The following PACRG variants were observed in gnomAD, a reference collection of about 807,000 sequenced individuals.
PACRG encodes parkin coregulated, also known as parkin coregulated gene protein.
Under a neutral mutation model 29.7 loss-of-function variants are expected in PACRG, and 29 were observed. The ratio of observed to expected loss-of-function variants is 0.98; its 90% confidence interval spans 0.73 to 1.33. PACRG has a LOEUF of 1.33. Among genes scored for constraint, PACRG ranks in the 40% most tolerant of loss-of-function variants. The pLI is 0.00. For synonymous variants in PACRG, 116 were observed against 118.7 expected (o/e 0.98, Z 0.15); for missense variants, 279 against 316.2 (o/e 0.88, Z 0.89).
intron 1 of PACRG, among the ~76,000 whole-genome samples, chr6:162,773,049 G>A (rs1195258418): frequency 2.7e-5 from 4 of 150,658 alleles, no homozygotes; most frequent in Non-Finnish European, 6.0e-5. Flanking sequence ...GAGGTCAATG[G>A]TGATCTTGCA....
chr6:163,161,727 T>G (rs1778563755), intron 4 of PACRG, among the ~76,000 whole-genome samples: 1 of 152,158 alleles, frequency 6.6e-6, no homozygotes, highest in South Asian at 2.1e-4. Context: ...TTTTCTTAAT[T>G]TGGTGTTTTA....
intron 4 of PACRG, among the ~76,000 whole-genome samples, chr6:163,095,725 A>C (rs553931756): frequency 8.5e-4 from 129 of 152,062 alleles, no homozygotes; most frequent in African/African-American, 3.0e-3. Flanking sequence ...TCTTCCTATG[A>C]GAATACCAGC....
intron 2 of PACRG, among the ~76,000 whole-genome samples, chr6:162,857,153 G>A (rs1332287630): frequency 2.0e-5 from 3 of 152,188 alleles, no homozygotes; most frequent in Non-Finnish European, 4.4e-5. Context: ...TTGAGCTCCG[G>A]AATAGCAAAG....
In PACRG at chr6:162,749,224, G is replaced by A. The variant is rs1400327230; in HGVS notation, c.156+20833G>A. Among the ~76,000 whole-genome samples, 4 of 152,164 alleles carry A rather than the reference G, an allele frequency of 2.6e-5. No individual in the cohort carries two copies. In the East Asian group the frequency reaches 5.8e-4, roughly 22 times the overall value. ...ATTGTTAAAAACAAGTACATACTCT[G>A]AACATTGTTGTACAAGTATTTGCAT... is the stretch of plus-strand genomic sequence containing the variant. On this transcript the variant is annotated intron_variant, in intron 1 of 4. Transcript: ENST00000366888.
intron 2 of PACRG, among the ~76,000 whole-genome samples, chr6:162,938,184 A>G (rs1031477240): frequency 6.6e-6 from 1 of 152,198 alleles, no homozygotes; most frequent in Non-Finnish European, 1.5e-5. Context: ...TTCACATAGA[A>G]TAATAGTCTC....
intron 4 of PACRG, among the ~76,000 whole-genome samples, chr6:163,263,034 G>A (rs755699688): frequency 2.7e-5 from 4 of 150,472 alleles, no homozygotes; most frequent in African/African-American, 7.4e-5. Context: ...CTGGGCAACC[G>A]AACAAGACTC....
intron 4 of PACRG, among the ~76,000 whole-genome samples, chr6:163,299,215 C>T (rs988060815): frequency 6.6e-6 from 1 of 152,202 alleles, no homozygotes; most frequent in East Asian, 1.9e-4. Flanking sequence ...CTGAGTCCCA[C>T]CTTGGATTTA....
chr6:162,980,171 TACAC>T (rs10559588), intron 2 of PACRG, among the ~76,000 whole-genome samples: 53,279 of 150,114 alleles, frequency 0.35, 10,140 homozygotes, highest in East Asian at 0.68. Context: ...AACACACACA[TACAC>T]ACACACACAC....
At chr6:163,021,862 G>A (rs1224413836) in intron 2 of PACRG, among the ~76,000 whole-genome samples, 1 of 152,206 alleles carries the variant, frequency 6.6e-6, no homozygotes, top group African/African-American at 2.4e-5. Context: ...CCTGCTCCCT[G>A]TTATTCCGAG....
chr6:163,076,741 C>T (rs372385675), intron 3 of PACRG, among the ~76,000 whole-genome samples: 14 of 152,218 alleles, frequency 9.2e-5, no homozygotes, highest in South Asian at 8.3e-4. Flanking sequence ...TCTCACATCC[C>T]CAGATGCCTA....
In PACRG at chr6:162,858,530, C is replaced by T. The variant is rs533813988; in HGVS notation, c.291+44249C>T. Reference sequence around the variant, plus strand: ...TATTTTCCTTACCTATCACAAGGTTCGTGGCTGAGAACCTTAGAGCAAAGG... The same window carrying T: ...TATTTTCCTTACCTATCACAAGGTTTGTGGCTGAGAACCTTAGAGCAAAGG... On this transcript the variant is annotated intron_variant, in intron 2 of 4. Transcript: ENST00000366888. 1.1e-4 allele frequency among the ~76,000 whole-genome samples: 17 copies of T among 152,248 alleles called. No individual in the cohort carries two copies. In the South Asian group the frequency reaches 1.9e-3, roughly 17 times the overall value.
At chr6:163,023,593 G>C (rs573702726) in intron 2 of PACRG, among the ~76,000 whole-genome samples, 2 of 152,268 alleles carry the variant, frequency 1.3e-5, no homozygotes, top group South Asian at 4.2e-4. Context: ...TATATACACA[G>C]GAATGGGATT....
intron 4 of PACRG, chr6:163,191,077 ACCTGTT>A: frequency 2.4e-6 from 1 of 415,656 alleles, no homozygotes; most frequent in Admixed American, 2.6e-5. Context: ...CAAACAAAAA[ACCTGTT>A]ACTTAGATTC....
In PACRG at chr6:163,314,816, G is replaced by C. The variant is rs747958454; in HGVS notation, c.614-11G>C. 6.2e-7 allele frequency: 1 copy of C among 1,612,646 alleles called. No individual in the cohort carries two copies. Among genetic ancestry groups the C allele is most frequent in the African/African-American group, 1.3e-5 (1 of 74,836 alleles). On this transcript the variant is annotated splice_polypyrimidine_tract_variant and intron_variant, in intron 4 of 4. Coordinates refer to ENST00000366888, the MANE Select transcript of PACRG (RefSeq NM_001080379.2). ...AAGTAACTGGCCTCTTTGTGTGTTTGCATGCACCAGTGAACTCCGGAGACG... is the reference window on the plus strand; with the variant it reads ...AAGTAACTGGCCTCTTTGTGTGTTTCCATGCACCAGTGAACTCCGGAGACG...
At chr6:162,981,052 C>A (rs553892810) in intron 2 of PACRG, among the ~76,000 whole-genome samples, 1 of 152,116 alleles carries the variant, frequency 6.6e-6, no homozygotes, top group East Asian at 1.9e-4. Flanking sequence ...AAACCTCCCA[C>A]TGAGTCCCCA....
At chr6:162,788,701 A>C (rs111270403) in intron 1 of PACRG, among the ~76,000 whole-genome samples, 1 of 152,186 alleles carries the variant, frequency 6.6e-6, no homozygotes, top group African/African-American at 2.4e-5. Context: ...AATTTTGGCT[A>C]TTTTAATAGA....
chr6:163,237,785 T>C (rs1228720646), intron 4 of PACRG, among the ~76,000 whole-genome samples: 1 of 152,198 alleles, frequency 6.6e-6, no homozygotes, highest in African/African-American at 2.4e-5. Context: ...AGAAAATGGC[T>C]CACACTATTG....
chr6:162,796,574 T>C (rs1245673289), intron 1 of PACRG, among the ~76,000 whole-genome samples: 2 of 152,168 alleles, frequency 1.3e-5, no homozygotes, highest in African/African-American at 4.8e-5. Flanking sequence ...ATATACTTTC[T>C]CTTCTTCCCT....
At chr6:162,958,861 A>G (rs1296575025) in intron 2 of PACRG, among the ~76,000 whole-genome samples, 1 of 44,910 alleles carries the variant, frequency 2.2e-5, no homozygotes, top group East Asian at 6.0e-4. Flanking sequence ...ATATATATAT[A>G]TATATATATA....
Sources: allele counts gnomAD v4.1 joint callset (sites outside exome capture counted in the v4.1 genomes callset), GRCh38; gene constraint gnomAD v4.1.1; transcripts MANE v1.5; gene names NCBI Gene and HGNC (gene_info 2026-07-23, HGNC 2026-07-21).